The following CYB5R3 variants were observed in gnomAD, a reference collection of about 807,000 sequenced individuals.
CYB5R3 encodes the protein NADH-cytochrome b5 reductase 3.
Under a neutral mutation model 36.5 loss-of-function variants are expected in CYB5R3, and 28 were observed. The observed-to-expected ratio is 0.77, with a 90% CI of 0.57 to 1.05. The LOEUF is 1.05. CYB5R3 is among the 50% of genes least tolerant of loss of function. CYB5R3 has a pLI of 0.00. For synonymous variants in CYB5R3, 181 were observed against 159.8 expected, an observed-to-expected ratio of 1.13 and a Z score of -1.00; for missense variants, 474 against 408.9, an observed-to-expected ratio of 1.16 and a Z score of -1.37.
chr22:42,628,036 C>CT lies in CYB5R3; in HGVS notation c.463+115dup, dbSNP rs1273072574. ...CAGTTCCCAGAGAGGGACAGCTGGC[C>CT]TGACGAGAGTCACCCATCCACACAG... On this transcript the variant is annotated intron_variant, in intron 5 of 8. Coordinates refer to ENST00000352397, the MANE Select transcript of CYB5R3 (RefSeq NM_000398.7). 24 of 1,433,276 alleles carry CT rather than the reference C, an allele frequency of 1.7e-5. No individual in the cohort carries two copies. In the East Asian group the frequency reaches 5.0e-4, roughly 30 times the overall value. The allele number at this position is 1,433,276 out of a possible 1,614,324, so 88.8% of individuals were successfully genotyped here.
chr22:42,627,276 T>A, intron 7 of CYB5R3, 28 bp downstream of exon 7: 1 of 1,599,730 alleles, frequency 6.3e-7, no homozygotes, highest in African/African-American at 1.3e-5. Flanking sequence ...GTAAGCTGAG[T>A]TTCCCCATCA....
At chr22:42,636,638 G>T in intron 2 of CYB5R3, 77 bp downstream of exon 2, 1 of 1,577,848 alleles carries the variant, frequency 6.3e-7, no homozygotes, top group South Asian at 1.1e-5. Context: ...TTCAGAGCAG[G>T]ACCATGCCCT....
At position 42,636,809 on chromosome 22, in the gene CYB5R3, T is replaced by C. The variant is rs779529273; in HGVS notation, c.59A>G (p.Tyr20Cys). 1.2e-5 allele frequency: 20 copies of C among 1,613,826 alleles called. No homozygotes were observed. In the East Asian group the frequency reaches 4.2e-4, roughly 34 times the overall value. The change falls in exon 2 of 9, where the codon TAC becomes TGC. Residue 20 changes from tyrosine to cysteine, a missense_variant. Coordinates refer to ENST00000352397, the MANE Select transcript of CYB5R3 (RefSeq NM_000398.7). ...CTGGAACAGCTTCATGAGCAGACTG[T>C]ACAGGAACCAGACTGGGAAGAGCAC... ...HMVLFPVWFL[Y>C]SLLMKLFQRS...
chr22:42,635,055 C>T (rs1165946656), intron 2 of CYB5R3, among the ~76,000 whole-genome samples: 15 of 151,240 alleles, frequency 9.9e-5, no homozygotes, highest in Admixed American at 6.6e-4. Context: ...CTGCAAGCTC[C>T]GCCTCCCAGG....
Position 42,627,287 on chromosome 22 carries a change from T to C in CYB5R3, c.633+17A>G, listed in dbSNP as rs1928321967. 3 of 1,611,742 alleles carry C rather than the reference T, an allele frequency of 1.9e-6. No individual in the cohort carries two copies. The highest frequency in any genetic ancestry group is 8.5e-7 in the Non-Finnish European group (1 of 1,178,158). ...CAGGGTAAGCTGAGTTTCCCCATCA[T>C]GGGGATGCCCACTGACCTGGTTGGC... On this transcript the variant is annotated intron_variant, in intron 7 of 8. Coordinates refer to ENST00000352397, the MANE Select transcript of CYB5R3 (RefSeq NM_000398.7).
chr22:42,638,404 A>G lies in CYB5R3; in HGVS notation c.22-1558T>C, dbSNP rs1036707158. 1.3e-5 allele frequency among the ~76,000 whole-genome samples: 2 copies of G among 148,770 alleles called. 1 individual carries two copies. Among genetic ancestry groups the G allele is most frequent in the African/African-American group, 5.0e-5 (2 of 40,374 alleles). The stretch of plus-strand genomic sequence containing the variant: ...AGAGTGAAACTCCATCTCAAAAAAA[A>G]AAAAAAAAAAAAAAAGTTAGCTGGT... On this transcript the variant is annotated intron_variant, in intron 1 of 8. Coordinates refer to ENST00000352397, the MANE Select transcript of CYB5R3 (RefSeq NM_000398.7).
At chr22:42,641,675 G>T (rs932781353) in intron 1 of CYB5R3, among the ~76,000 whole-genome samples, 1 of 152,064 alleles carries the variant, frequency 6.6e-6, no homozygotes, top group Non-Finnish European at 1.5e-5. Flanking sequence ...TAGTAGAGAC[G>T]AGTTTTCATC....
chr22:42,633,550 C>T (rs953525589), intron 2 of CYB5R3, among the ~76,000 whole-genome samples: 2 of 152,172 alleles, frequency 1.3e-5, no homozygotes, highest in South Asian at 2.1e-4. Context: ...TTTGGGAGGT[C>T]GAGGCGGGCG....
rs1927782079 is a variant in CYB5R3, at chr22:42,618,810, G to A, written c.*963C>T. 1 of 151,552 alleles carries A rather than the reference G, an allele frequency of 6.6e-6. No individual in the cohort carries two copies. Among genetic ancestry groups the A allele is most frequent in the African/African-American group, 2.4e-5 (1 of 41,276 alleles). 9.4% of individuals were successfully genotyped at this position (151,552 alleles called of 1,614,324 possible). A position where few individuals can be genotyped will look rare whatever the true frequency, so the allele number is the denominator to read the frequency against. On this transcript the variant is annotated 3_prime_UTR_variant, in exon 9 of 9. Transcript: ENST00000352397. ...CACAGACCCTCGAGGAGCTAGAGAA[G>A]GGTTAATATTAGCAAAGTTTTACTT... is the stretch of plus-strand genomic sequence containing the variant.
chr22:42,632,844 T>G (rs1928690628), intron 2 of CYB5R3: 1 of 152,172 alleles, frequency 6.6e-6, no homozygotes, highest in Non-Finnish European at 1.5e-5. Context: ...CTGAACAACA[T>G]GGAGAAATCC....
chr22:42,628,311 C>A (rs757255791), intron 4 of CYB5R3, 30 bp from the exon 5 acceptor site: 13 of 1,612,242 alleles, frequency 8.1e-6, no homozygotes, highest in Non-Finnish European at 5.9e-6. Context: ...CCCTCAGTCC[C>A]CAGCTCCAGG....
intron 4 of CYB5R3, 144 bp downstream of exon 4, chr22:42,630,738 C>A: frequency 4.1e-6 from 3 of 725,248 alleles, no homozygotes; most frequent in Admixed American, 4.1e-5. Flanking sequence ...CCCCTGCAAG[C>A]CCCTGAGGAA....
intron 7 of CYB5R3, among the ~76,000 whole-genome samples, chr22:42,624,693 C>T (rs181550679): frequency 2.0e-5 from 3 of 150,352 alleles, no homozygotes; most frequent in African/African-American, 4.9e-5. Context: ...GGTCAGTGTG[C>T]AGTGTCCCTG....
intron 1 of CYB5R3, among the ~76,000 whole-genome samples, chr22:42,648,310 G>A (rs1006155088): frequency 6.6e-6 from 1 of 152,092 alleles, no homozygotes; most frequent in Non-Finnish European, 1.5e-5. Context: ...GGAGCACTGG[G>A]CTGATTCCTC....
Position 42,619,828 on chromosome 22 carries a change from C to G in CYB5R3, c.851G>C (p.Cys284Ser), listed in dbSNP as rs985077497. ...GCCCACGTGGTCCAGGTTGGGAAGG[C>G]AGGCGTACTGGATCATGGGTGGGGG... ...CGPPPMIQYA[C>S]LPNLDHVGHP... The change falls in exon 9 of 9, where the codon TGC becomes TCC. Residue 284 changes from cysteine to serine, a missense_variant. Physicochemically the swap from Cys to Ser is moderately radical, Grantham distance 112. Transcript: ENST00000352397. 3.7e-6 allele frequency: 6 copies of G among 1,602,858 alleles called. No individual in the cohort carries two copies. Among genetic ancestry groups the G allele is most frequent in the Admixed American group, 1.7e-5 (1 of 58,228 alleles).
In CYB5R3 at chr22:42,648,721, CG is replaced by C. The variant is rs765917830; in HGVS notation, c.21+573del. Among the ~76,000 whole-genome samples the C allele has an allele frequency of 2.0e-5, 3 of 152,262 alleles. No individual in the cohort carries two copies. The East Asian group carries it at 5.8e-4, about 29-fold the overall frequency. On this transcript the variant is annotated intron_variant, in intron 1 of 8. Transcript: ENST00000352397. ...CCACTGAGCATTGGGAGGATGCCCCCGTGTCATCCGGGTTCTGTTCCTTGTT... is the reference window on the plus strand; with the variant it reads ...CCACTGAGCATTGGGAGGATGCCCCCTGTCATCCGGGTTCTGTTCCTTGTT...
At chr22:42,648,686 G>T (rs1237607293) in intron 1 of CYB5R3, among the ~76,000 whole-genome samples, 3 of 152,146 alleles carry the variant, frequency 2.0e-5, no homozygotes, top group Non-Finnish European at 2.9e-5. Context: ...GGCCTTGATG[G>T]GAGCCTGGCC....
At chr22:42,622,417 G>C (rs892569260) in intron 8 of CYB5R3, among the ~76,000 whole-genome samples, 1 of 152,176 alleles carries the variant, frequency 6.6e-6, no homozygotes, top group Non-Finnish European at 1.5e-5. Flanking sequence ...GTCAGCTGCG[G>C]GGTCAGGTTG....
At chr22:42,646,230 C>A (rs1319643305) in intron 1 of CYB5R3, among the ~76,000 whole-genome samples, 1 of 152,180 alleles carries the variant, frequency 6.6e-6, no homozygotes, top group African/African-American at 2.4e-5. Flanking sequence ...CTCACACACA[C>A]AGACCACCTC....
Sources: gnomAD v4.1 joint callset for allele counts (sites outside exome capture counted in the v4.1 genomes callset) on GRCh38, gnomAD v4.1.1 for gene constraint, MANE v1.5 for transcripts, NCBI Gene and HGNC (gene_info 2026-07-23, HGNC 2026-07-21) for gene names.